The following MARCHF1 variants were observed in gnomAD, a reference collection of about 807,000 sequenced individuals.
MARCHF1 encodes membrane associated ring-CH-type finger 1, also known as E3 ubiquitin-protein ligase MARCHF1.
Under a neutral mutation model 54.2 loss-of-function variants are expected in MARCHF1, and 40 were observed. The ratio of observed to expected loss-of-function variants is 0.74; its 90% CI spans 0.57 to 0.96. The LOEUF (loss-of-function observed/expected upper bound fraction) is 0.96. Among genes scored for constraint, MARCHF1 ranks in the 40% least tolerant of loss-of-function variants. The pLI, the probability that MARCHF1 is intolerant of heterozygous loss-of-function variation, is 0.00. For synonymous variants in MARCHF1, 236 were observed against 236.3 expected (o/e 1.00, Z 0.01); for missense variants, 586 against 656.5 (o/e 0.89, Z 1.17).
intron 1 of MARCHF1, among the ~76,000 whole-genome samples, chr4:164,127,403 G>A (rs574014753): frequency 3.9e-5 from 6 of 152,122 alleles, no homozygotes; most frequent in African/African-American, 1.4e-4. Context: ...CAACACAATG[G>A]TGCTCACTAT....
chr4:163,757,772 A>G (rs1746719899), intron 4 of MARCHF1, among the ~76,000 whole-genome samples: 1 of 152,176 alleles, frequency 6.6e-6, no homozygotes, highest in Admixed American at 6.5e-5. Context: ...TATTTGTTTG[A>G]CTAAATGGCC....
chr4:164,262,630 T>G (rs142488975), intron 1 of MARCHF1, among the ~76,000 whole-genome samples: 1 of 152,336 alleles, frequency 6.6e-6, no homozygotes, highest in Non-Finnish European at 1.5e-5. Context: ...GCTCAAGTGA[T>G]GGGCTGAAGT....
intron 1 of MARCHF1, among the ~76,000 whole-genome samples, chr4:164,170,701 A>G (rs1001652307): frequency 6.6e-5 from 10 of 152,092 alleles, no homozygotes; most frequent in Non-Finnish European, 8.8e-5. Context: ...GGGAGTAGGG[A>G]AGGGCAGAGT....
At chr4:163,890,461 C>A (rs573770591) in intron 3 of MARCHF1, among the ~76,000 whole-genome samples, 8 of 152,056 alleles carry the variant, frequency 5.3e-5, no homozygotes, top group African/African-American at 1.4e-4. Flanking sequence ...TAGACTGACT[C>A]AGATCAAACC....
chr4:164,031,277 T>C (rs750597275), intron 2 of MARCHF1, among the ~76,000 whole-genome samples: 7 of 152,184 alleles, frequency 4.6e-5, no homozygotes, highest in Non-Finnish European at 7.3e-5. Flanking sequence ...TTTATTTGCA[T>C]AGTGGTGTTT....
chr4:164,002,567 G>A (rs187854577), intron 2 of MARCHF1, among the ~76,000 whole-genome samples: 1 of 151,426 alleles, frequency 6.6e-6, no homozygotes, highest in East Asian at 1.9e-4. Context: ...TAACATGTGG[G>A]GAAAATCAAG....
chr4:164,208,732 G>A (rs1055191336), intron 1 of MARCHF1, among the ~76,000 whole-genome samples: 5 of 152,166 alleles, frequency 3.3e-5, no homozygotes, highest in Admixed American at 3.3e-4. Context: ...AATTGGTTAA[G>A]CTCTGGAGTT....
chr4:163,889,616 C>A (rs887991521), intron 3 of MARCHF1, among the ~76,000 whole-genome samples: 11 of 152,082 alleles, frequency 7.2e-5, no homozygotes, highest in African/African-American at 2.7e-4. Flanking sequence ...GATTAAATTT[C>A]TCAGATTATA....
At chr4:164,189,393 G>A in intron 1 of MARCHF1, 5 of 666,552 alleles carry the variant, frequency 7.5e-6, no homozygotes, top group East Asian at 5.1e-5. Context: ...GGTCTACTAT[G>A]AGGCCTGTCC....
chr4:164,207,448 A>G (rs981369212), intron 1 of MARCHF1, among the ~76,000 whole-genome samples: 1 of 152,236 alleles, frequency 6.6e-6, no homozygotes, highest in Non-Finnish European at 1.5e-5. Context: ...CCACAACAAT[A>G]AATGTATAAA....
At chr4:163,687,801 A>G (rs1339167036) in intron 5 of MARCHF1, among the ~76,000 whole-genome samples, 1 of 152,218 alleles carries the variant, frequency 6.6e-6, no homozygotes, top group Admixed American at 6.5e-5. Context: ...ATGGTTATTG[A>G]ATTCCATCTT....
intron 1 of MARCHF1, among the ~76,000 whole-genome samples, chr4:164,122,817 C>G (rs368161173): frequency 6.6e-6 from 1 of 152,088 alleles, no homozygotes; most frequent in Non-Finnish European, 1.5e-5. Context: ...AGACCTACAG[C>G]AAGTATCGTA....
At chr4:163,854,950 G>A (rs974822986) in intron 3 of MARCHF1, among the ~76,000 whole-genome samples, 2 of 152,086 alleles carry the variant, frequency 1.3e-5, no homozygotes, top group African/African-American at 4.8e-5. Context: ...TCAGTAATTA[G>A]AAATAGTTTA....
chr4:164,230,410 G>A (rs1732383998), intron 1 of MARCHF1, among the ~76,000 whole-genome samples: 1 of 149,558 alleles, frequency 6.7e-6, no homozygotes, highest in East Asian at 2.0e-4. Context: ...AAAAAAAAAA[G>A]ATATAAAATA....
chr4:163,596,951 A>AATT (rs142972509), intron 7 of MARCHF1, among the ~76,000 whole-genome samples: 44,424 of 150,650 alleles, frequency 0.29, 7,931 homozygotes, highest in Non-Finnish European at 0.4. Flanking sequence ...TAATTACCCC[A>AATT]ATTATTATTA....
intron 4 of MARCHF1, among the ~76,000 whole-genome samples, chr4:163,780,926 A>C (rs1747446191): frequency 6.6e-6 from 1 of 152,222 alleles, no homozygotes; most frequent in Non-Finnish European, 1.5e-5. Context: ...ACTGAAGTTA[A>C]GTGAGTAAAA....
At chr4:163,647,733 CA>C (rs1424157628) in intron 5 of MARCHF1, among the ~76,000 whole-genome samples, 1 of 151,454 alleles carries the variant, frequency 6.6e-6, no homozygotes, top group Non-Finnish European at 1.5e-5. Flanking sequence ...ACACAACATA[CA>C]AAAAACTATA....
At chr4:163,660,968 A>T (rs995378589) in intron 5 of MARCHF1, among the ~76,000 whole-genome samples, 1 of 152,006 alleles carries the variant, frequency 6.6e-6, no homozygotes, top group Admixed American at 6.6e-5. Context: ...TCATTGAGGT[A>T]TTATATTTCT....
chr4:163,652,587 C>T (rs1743006026), intron 5 of MARCHF1, among the ~76,000 whole-genome samples: 1 of 151,806 alleles, frequency 6.6e-6, no homozygotes, highest in Admixed American at 6.6e-5. Context: ...TCCCCGTTTC[C>T]AGTAACACTG....
Sources: gnomAD v4.1 joint callset for allele counts (sites outside exome capture counted in the v4.1 genomes callset) on GRCh38, gnomAD v4.1.1 for gene constraint, MANE v1.5 for transcripts, NCBI Gene and HGNC (gene_info 2026-07-23, HGNC 2026-07-21) for gene names.